ABL2: variants seen among roughly 807,000 people sequenced by gnomAD.
ABL2 encodes tyrosine-protein kinase ABL2.
ABL2 carries 49 observed loss-of-function variants against 107.7 expected under a neutral mutation model. The observed-to-expected ratio is 0.45, with a 90% CI of 0.36 to 0.58. The LOEUF (loss-of-function observed/expected upper bound fraction) is 0.58. ABL2 is among the 20% of genes least tolerant of loss of function. ABL2 has a pLI of 0.00. For synonymous variants in ABL2, 549 were observed against 548.6 expected (o/e 1.00, Z -0.01); for missense variants, 1,245 against 1,457.0 (o/e 0.85, Z 2.37).
At chr1:179,164,554 T>C (rs1014277073) in intron 1 of ABL2, among the ~76,000 whole-genome samples, 3 of 152,146 alleles carry the variant, frequency 2.0e-5, no homozygotes, top group Admixed American at 6.5e-5. Context: ...ATGAAAGGAA[T>C]GTGCCAATCC....
intron 1 of ABL2, among the ~76,000 whole-genome samples, chr1:179,151,636 G>GT (rs527638487): frequency 9.9e-5 from 15 of 151,952 alleles, no homozygotes; most frequent in Non-Finnish European, 1.9e-4. Context: ...AGTAAAAGCT[G>GT]TAACAGCATT....
At chr1:179,145,649 C>T (rs1657932731) in intron 1 of ABL2, among the ~76,000 whole-genome samples, 1 of 151,962 alleles carries the variant, frequency 6.6e-6, no homozygotes, top group East Asian at 1.9e-4. Context: ...TGAGGAGGAG[C>T]GGGGGCATTC....
At chr1:179,135,982 C>T (rs1368577115) in intron 1 of ABL2, among the ~76,000 whole-genome samples, 14 of 146,142 alleles carry the variant, frequency 9.6e-5, no homozygotes, top group African/African-American at 3.6e-4. Flanking sequence ...CCCATCCGGC[C>T]AGCCGCCCCG....
At position 179,107,872 on chromosome 1, in the gene ABL2, T is replaced by C. The variant is rs1266977400; in HGVS notation, c.3395A>G (p.Asn1132Ser). The C allele has an allele frequency of 1.2e-6, 2 of 1,614,194 alleles. No individual in the cohort carries two copies. Among genetic ancestry groups the C allele is most frequent in the Non-Finnish European group, 1.7e-6 (2 of 1,180,040 alleles). The stretch of plus-strand genomic sequence containing the variant: ...CACAGCCTCTCGGAAGGCAAATTTG[T>C]TGCGAGTTTGAGGGATGCAGTCCAC... ...GYVDCIPQTR[N>S]KFAFREAVSK... The change falls in exon 12 of 12, where the codon AAC (asparagine) becomes AGC (serine). Residue 1132 changes from asparagine (N) to serine (S), a missense_variant. Physicochemically the swap from Asn to Ser is conservative, Grantham distance 46. Transcript: ENST00000502732.
intron 1 of ABL2, chr1:179,201,794 T>C: frequency 1.1e-6 from 1 of 948,130 alleles, no homozygotes; most frequent in Non-Finnish European, 1.6e-6. Flanking sequence ...TCGGTTGAGG[T>C]GGACAGTTTG....
At chr1:179,218,664 C>T (rs543738160) in intron 1 of ABL2, among the ~76,000 whole-genome samples, 1 of 152,332 alleles carries the variant, frequency 6.6e-6, no homozygotes, top group African/African-American at 2.4e-5. Flanking sequence ...TCCCAAAGCA[C>T]TAGGATTACA....
chr1:179,121,229 G>T (rs914142572), intron 5 of ABL2, among the ~76,000 whole-genome samples: 2 of 152,180 alleles, frequency 1.3e-5, no homozygotes, highest in Non-Finnish European at 2.9e-5. Flanking sequence ...GGAGAGAAAG[G>T]ACAGAACAAG....
chr1:179,146,829 AAT>A (rs1412331111), intron 1 of ABL2, among the ~76,000 whole-genome samples: 3 of 152,148 alleles, frequency 2.0e-5, no homozygotes, highest in Non-Finnish European at 4.4e-5. Context: ...ATCACCCCAA[AAT>A]ATGTCTCTGA....
At chr1:179,152,474 T>C (rs1416249243) in intron 1 of ABL2, among the ~76,000 whole-genome samples, 1 of 152,218 alleles carries the variant, frequency 6.6e-6, no homozygotes, top group Non-Finnish European at 1.5e-5. Flanking sequence ...GCTCAGGTGG[T>C]ACTTTCCTTA....
chr1:179,229,554 C>CA lies in ABL2; in HGVS notation c.-158dup, dbSNP rs1427527841. ...CCGGCGGCTCCGCACCCGGCCTCCTCACGGCAGCCGCCGCGCTGCCTCCAG... is the reference window on the plus strand; with the variant it reads ...CCGGCGGCTCCGCACCCGGCCTCCTCAACGGCAGCCGCCGCGCTGCCTCCAG... On this transcript the variant is annotated 5_prime_UTR_variant, in exon 1 of 12. Transcript: ENST00000502732. The CA allele has an allele frequency of 1.4e-6, 1 of 691,168 alleles. No individual in the cohort carries two copies. The highest frequency in any genetic ancestry group is 1.9e-5 in the African/African-American group (1 of 52,344). 42.8% of individuals were successfully genotyped at this position (691,168 alleles called of 1,614,324 possible).
chr1:179,216,475 A>G lies in ABL2; in HGVS notation c.157+12766T>C, dbSNP rs529669128. 2.0e-5 allele frequency among the ~76,000 whole-genome samples: 3 copies of G among 152,312 alleles called. No homozygotes were observed. The South Asian group carries it at 6.2e-4, about 32-fold the overall frequency. On this transcript the variant is annotated intron_variant, in intron 1 of 11. Transcript: ENST00000502732. ...TTGTTTCGTAAGGATGTTCATCAAC[A>G]TCTATTTGATCAGCAACATTCTTTT...
chr1:179,110,980 C>CTTTTTTTTT, intron 10 of ABL2: 1 of 546,378 alleles, frequency 1.8e-6, no homozygotes, highest in Non-Finnish European at 2.8e-6. Context: ...TTATTTTTGG[C>CTTTTTTTTT]TTTTTTTTTT....
At chr1:179,120,781 CAGG>C (rs1420308727) in intron 5 of ABL2, among the ~76,000 whole-genome samples, 1 of 152,110 alleles carries the variant, frequency 6.6e-6, no homozygotes, top group East Asian at 1.9e-4. Context: ...TAAAAATTAG[CAGG>C]AGGAGCAAAA....
At chr1:179,179,946 CA>C (rs796697169) in intron 1 of ABL2, among the ~76,000 whole-genome samples, 1,747 of 123,606 alleles carry the variant, frequency 0.014, 18 homozygotes, top group African/African-American at 0.036. Context: ...ACTAAAAATA[CA>C]AAAAAAAAAA....
At chr1:179,160,861 A>G (rs1659020863) in intron 1 of ABL2, among the ~76,000 whole-genome samples, 1 of 152,168 alleles carries the variant, frequency 6.6e-6, no homozygotes, top group African/African-American at 2.4e-5. Context: ...AATTAAAACC[A>G]CAATGAGATA....
In ABL2 at chr1:179,200,082, T is replaced by C. The variant is rs189639340; in HGVS notation, c.157+29159A>G. Reference sequence around the variant, plus strand: ...TTTTTTTTAAGACGGAGTCTCCCTCTGTCTTCCAGGCTAGAGTGCAGTGGT... The same window carrying C: ...TTTTTTTTAAGACGGAGTCTCCCTCCGTCTTCCAGGCTAGAGTGCAGTGGT... On this transcript the variant is annotated intron_variant, in intron 1 of 11. Coordinates refer to ENST00000502732, the MANE Select transcript of ABL2 (RefSeq NM_007314.4). Among the ~76,000 whole-genome samples the C allele has an allele frequency of 3.6e-5, 5 of 140,496 alleles. No homozygotes were observed. The South Asian group carries it at 1.2e-3, about 33-fold the overall frequency. 92.2% of individuals were successfully genotyped at this position (140,496 alleles called of 152,430 possible). A position where few individuals can be genotyped will look rare whatever the true frequency, so the allele number is the denominator to read the frequency against.
intron 1 of ABL2, among the ~76,000 whole-genome samples, chr1:179,135,350 T>C (rs1170819956): frequency 1.4e-5 from 2 of 147,786 alleles, no homozygotes; most frequent in African/African-American, 2.5e-5. Context: ...GGCCGCCCAT[T>C]GTCTGAGATG....
chr1:179,124,920 A>T, intron 4 of ABL2, among the ~76,000 whole-genome samples: 1 of 152,216 alleles, frequency 6.6e-6, no homozygotes, highest in East Asian at 1.9e-4. Context: ...ATATTCTCAA[A>T]GTTGTCCAAC....
rs1394923698 is a variant in ABL2, at chr1:179,112,291, A to C, written c.1651+18T>G. The C allele has an allele frequency of 2.1e-5, 33 of 1,605,032 alleles. No individual in the cohort carries two copies. Among genetic ancestry groups the C allele is most frequent in the Non-Finnish European group, 2.6e-5 (31 of 1,172,230 alleles). Reference sequence around the variant, plus strand: ...TACCCAGAATTAGTCACCAACAGTAAATCCAACAGATTCTCACCTTCAGAA... The same window carrying C: ...TACCCAGAATTAGTCACCAACAGTACATCCAACAGATTCTCACCTTCAGAA... On this transcript the variant is annotated intron_variant, in intron 10 of 11. Coordinates refer to ENST00000502732, the MANE Select transcript of ABL2 (RefSeq NM_007314.4).
Sources: allele counts gnomAD v4.1 joint callset (sites outside exome capture counted in the v4.1 genomes callset), GRCh38; gene constraint gnomAD v4.1.1; transcripts MANE v1.5; gene names NCBI Gene and HGNC (gene_info 2026-07-23, HGNC 2026-07-21).